NUS1: variants seen among roughly 807,000 people sequenced by gnomAD.
NUS1 encodes dehydrodolichyl diphosphate synthase complex subunit NUS1.
For synonymous variants in NUS1, 135 were observed against 155.2 expected, an observed-to-expected ratio of 0.87 and a Z score of 0.97; for missense variants, 292 against 382.9, an observed-to-expected ratio of 0.76 and a Z score of 1.98.
rs568705876 is a variant in NUS1 at position 117,677,459 on chromosome 6, GAGA to G, written c.415+1379_415+1381del. Among the ~76,000 whole-genome samples the G allele has an allele frequency of 1.5e-3, 225 of 152,324 alleles. 2 individuals are homozygous for G. Among genetic ancestry groups the G allele is most frequent in the Middle Eastern group, 0.01 (3 of 294 alleles). The stretch of plus-strand genomic sequence containing the variant: ...AGCATTGGAATTTCTTTAAAGATGT[GAGA>G]AGAATGATTTAAGAGTATTGGTATG... On this transcript the variant is annotated intron_variant, in intron 1 of 4. Transcript: ENST00000368494.
In NUS1 at chr6:117,675,954, A is replaced by T. The variant is rs1772972355; in HGVS notation, c.284A>T (p.Glu95Val). ...TGGCGCGCGGACGGTCGTTCCTTGG[A>T]GAAGCTGCCTGTGCATATGGGCCTG... ...MRWRADGRSL[E>V]KLPVHMGLVI... is the part of the protein sequence containing the mutation. The change falls in exon 1 of 5, where the codon GAG becomes GTG. Residue 95 changes from glutamate to valine, a missense_variant. Physicochemically the swap from Glu to Val is moderately radical, Grantham distance 121 (BLOSUM62 -2). Transcript: ENST00000368494. The T allele has an allele frequency of 6.5e-7, 1 of 1,547,184 alleles. No individual in the cohort carries two copies. The highest frequency in any genetic ancestry group is 1.4e-5 in the African/African-American group (1 of 72,894).
In NUS1 at chr6:117,685,396, A is replaced by T. The variant is rs1486396085; in HGVS notation, c.416-7646A>T. 2.0e-5 allele frequency among the ~76,000 whole-genome samples: 3 copies of T among 147,568 alleles called. No homozygotes were observed. In the East Asian group the frequency reaches 5.9e-4, roughly 29 times the overall value. On this transcript the variant is annotated intron_variant, in intron 1 of 4. Transcript: ENST00000368494. ...CTTTTCTTTCTTTCTTTTTTTTTTT[A>T]GAGACAGGGTCTTACTTTGTTGCCC... is the stretch of plus-strand genomic sequence containing the variant.
intron 3 of NUS1, among the ~76,000 whole-genome samples, chr6:117,699,907 A>G (rs1489735974): frequency 6.6e-6 from 1 of 152,204 alleles, no homozygotes; most frequent in Admixed American, 6.5e-5. Flanking sequence ...TACAATGGGA[A>G]AAACCAGTAT....
intron 3 of NUS1, among the ~76,000 whole-genome samples, chr6:117,697,217 T>C (rs1773332556): frequency 6.6e-6 from 1 of 151,752 alleles, no homozygotes; most frequent in African/African-American, 2.4e-5. Context: ...GAAAATCACC[T>C]TTCCTAAAAG....
At chr6:117,688,431 G>A (rs1421694366) in intron 1 of NUS1, among the ~76,000 whole-genome samples, 2 of 147,688 alleles carry the variant, frequency 1.4e-5, no homozygotes, top group African/African-American at 2.5e-5. Context: ...TTTAGAAATA[G>A]AGCGTCAAGA....
chr6:117,685,286 T>G (rs1303346658), intron 1 of NUS1, among the ~76,000 whole-genome samples: 1 of 152,210 alleles, frequency 6.6e-6, no homozygotes, highest in African/African-American at 2.4e-5. Flanking sequence ...TTATTGTAGA[T>G]TCAAAGGATA....
intron 1 of NUS1, among the ~76,000 whole-genome samples, chr6:117,676,716 A>G (rs1472476386): frequency 6.6e-6 from 1 of 152,262 alleles, no homozygotes; most frequent in African/African-American, 2.4e-5. Context: ...CAAGATCGTA[A>G]TGGGGCCACA....
intron 1 of NUS1, 41 bp downstream of exon 1, chr6:117,676,126 T>G: frequency 1.3e-6 from 2 of 1,549,504 alleles, no homozygotes; most frequent in Non-Finnish European, 1.7e-6. Flanking sequence ...CGAGGCGTCT[T>G]GGACCGCTAG....
chr6:117,709,572 CTG>C lies in NUS1; in HGVS notation c.*2560_*2561del, dbSNP rs1203878828. ...ATATTAATGAACAGTGCCAAATACA[CTG>C]TGCATATCTGCAATTTAATCTTTGA... On this transcript the variant is annotated 3_prime_UTR_variant, in exon 5 of 5. Transcript: ENST00000368494. 2 of 150,088 alleles carry C rather than the reference CTG, an allele frequency of 1.3e-5. No homozygotes were observed. The highest frequency in any genetic ancestry group is 3.0e-5 in the Non-Finnish European group (2 of 67,440). The allele number at this position is 150,088 out of a possible 1,614,324, so 9.3% of individuals were successfully genotyped here. A position where few individuals can be genotyped will look rare whatever the true frequency, so the allele number is the denominator to read the frequency against.
At chr6:117,699,443 A>T (rs1389078173) in intron 3 of NUS1, among the ~76,000 whole-genome samples, 1 of 152,302 alleles carries the variant, frequency 6.6e-6, no homozygotes, top group East Asian at 1.9e-4. Flanking sequence ...GAAGTGAAAG[A>T]TCTCTACAAT....
In NUS1 at chr6:117,675,865, C is replaced by T. The variant is rs890763763; in HGVS notation, c.195C>T (p.Asn65=). ...TLRKPPAVGR[N]RRHHRHPRGG... Reference sequence around the variant, plus strand: ...GCAAGCCCCCGGCAGTCGGCAGGAACCGCCGTCACCACCGGCACCCGCGCG... The same window carrying T: ...GCAAGCCCCCGGCAGTCGGCAGGAATCGCCGTCACCACCGGCACCCGCGCG... Residue 65 remains asparagine (N), a synonymous_variant, in exon 1 of 5, where the codon AAC becomes AAT. Coordinates refer to ENST00000368494, the MANE Select transcript of NUS1 (RefSeq NM_138459.5). 1.5e-5 allele frequency: 23 copies of T among 1,532,796 alleles called. No individual in the cohort carries two copies. The highest frequency in any genetic ancestry group is 2.0e-5 in the Non-Finnish European group (23 of 1,139,018). 94.9% of individuals were successfully genotyped at this position (1,532,796 alleles called of 1,614,324 possible). A position where few individuals can be genotyped will look rare whatever the true frequency, so the allele number is the denominator to read the frequency against.
At chr6:117,705,585 G>T (rs974594721) in intron 4 of NUS1, among the ~76,000 whole-genome samples, 3 of 152,094 alleles carry the variant, frequency 2.0e-5, no homozygotes, top group Non-Finnish European at 4.4e-5. Flanking sequence ...ACGAGACTGA[G>T]CACTGTGATG....
intron 3 of NUS1, among the ~76,000 whole-genome samples, chr6:117,701,596 ACTT>A (rs762652940): frequency 6.6e-6 from 1 of 151,882 alleles, no homozygotes; most frequent in Non-Finnish European, 1.5e-5. Flanking sequence ...TAGAATTTCT[ACTT>A]CTTTTGTTAA....
At chr6:117,688,581 A>G (rs1773173220) in intron 1 of NUS1, among the ~76,000 whole-genome samples, 1 of 152,150 alleles carries the variant, frequency 6.6e-6, no homozygotes. Flanking sequence ...AAGTGCAAGT[A>G]AGTTATACAC....
chr6:117,691,593 A>G (rs1773222128), intron 1 of NUS1, among the ~76,000 whole-genome samples: 2 of 146,702 alleles, frequency 1.4e-5, no homozygotes, highest in South Asian at 4.3e-4. Context: ...ATATAGTTCA[A>G]AATATATATT....
rs1341866913 is a variant in NUS1, at chr6:117,693,988, G to A, written c.542-43G>A. 1.9e-6 allele frequency: 3 copies of A among 1,584,154 alleles called. 1 individual carries two copies. The highest frequency in any genetic ancestry group is 2.3e-5 in the South Asian group (2 of 86,472). On this transcript the variant is annotated intron_variant, in intron 2 of 4. Transcript: ENST00000368494. ...TAAAACTGCTTTTGAAATATACCTGGAAGAGAGTGTTTTTAAAATACATTG... is the reference window on the plus strand; with the variant it reads ...TAAAACTGCTTTTGAAATATACCTGAAAGAGAGTGTTTTTAAAATACATTG...
At chr6:117,677,522 A>G (rs902872510) in intron 1 of NUS1, among the ~76,000 whole-genome samples, 16 of 152,252 alleles carry the variant, frequency 1.1e-4, no homozygotes, top group African/African-American at 3.6e-4. Context: ...TCTCTGTTCA[A>G]TAAATTACCT....
chr6:117,684,985 T>C (rs1162327131), intron 1 of NUS1, among the ~76,000 whole-genome samples: 1 of 152,232 alleles, frequency 6.6e-6, no homozygotes, highest in African/African-American at 2.4e-5. Context: ...GTCGAAATAG[T>C]TGTGTTACAA....
chr6:117,696,870 C>T (rs116182501), intron 3 of NUS1, among the ~76,000 whole-genome samples: 1 of 151,920 alleles, frequency 6.6e-6, no homozygotes, highest in Admixed American at 6.6e-5. Flanking sequence ...CAGAATGTTA[C>T]AGAACTGTAA....
Sources: gnomAD v4.1 joint callset for allele counts (sites outside exome capture counted in the v4.1 genomes callset) on GRCh38, gnomAD v4.1.1 for gene constraint, MANE v1.5 for transcripts, NCBI Gene and HGNC (gene_info 2026-07-23, HGNC 2026-07-21) for gene names.